The following VPS53 variants were observed in gnomAD, a reference collection of about 807,000 sequenced individuals.
VPS53 encodes the protein VPS53 subunit of GARP complex, also known as vacuolar protein sorting-associated protein 53 homolog.
A neutral mutation model predicts 107.0 loss-of-function variants in VPS53; 70 were observed. The observed-to-expected ratio is 0.65, with a 90% confidence interval of 0.54 to 0.80. The LOEUF (loss-of-function observed/expected upper bound fraction) is 0.80, where lower values mean the gene tolerates loss of function less well. Ranked by LOEUF, VPS53 falls within the 30% of genes least tolerant of loss-of-function variation. The pLI is 0.00. For missense variants in VPS53, 917 were observed against 1,049.4 expected, an observed-to-expected ratio of 0.87 and a Z score of 1.74; for synonymous variants, 409 against 393.3, an observed-to-expected ratio of 1.04 and a Z score of -0.47.
At chr17:674,879 T>C (rs549388495) in intron 4 of VPS53, 66 of 152,376 alleles carry the variant, frequency 4.3e-4, no homozygotes, top group Non-Finnish European at 7.2e-4. Flanking sequence ...GGGCCATCTC[T>C]TCATCTGTAA....
intron 7 of VPS53, among the ~76,000 whole-genome samples, chr17:640,802 C>T (rs377550549): frequency 6.6e-6 from 1 of 152,004 alleles, no homozygotes; most frequent in Admixed American, 6.6e-5. Context: ...TATGCTTAAT[C>T]CTGGAGCAGA....
chr17:579,265 T>C (rs1966871915), intron 13 of VPS53, among the ~76,000 whole-genome samples: 1 of 142,624 alleles, frequency 7.0e-6, no homozygotes, highest in Non-Finnish European at 1.6e-5. Flanking sequence ...CAGAACCTAA[T>C]GTATTCCTAG....
chr17:662,408 G>A (rs1971469307), intron 4 of VPS53, among the ~76,000 whole-genome samples: 1 of 152,162 alleles, frequency 6.6e-6, no homozygotes, highest in Non-Finnish European at 1.5e-5. Context: ...AGGAACACTG[G>A]GCCGGACACA....
chr17:668,891 G>A (rs907376640), intron 4 of VPS53, among the ~76,000 whole-genome samples: 5 of 152,040 alleles, frequency 3.3e-5, no homozygotes, highest in Admixed American at 1.3e-4. Context: ...TGAAGGTATC[G>A]CTTTTTTCTT....
intron 4 of VPS53, among the ~76,000 whole-genome samples, chr17:696,597 C>A (rs1270133786): frequency 6.6e-6 from 1 of 152,082 alleles, no homozygotes; most frequent in Non-Finnish European, 1.5e-5. Context: ...TACGATGCCT[C>A]AACAGAAGAA....
intron 4 of VPS53, among the ~76,000 whole-genome samples, chr17:678,185 T>A (rs551121309): frequency 3.3e-5 from 5 of 152,186 alleles, no homozygotes; most frequent in East Asian, 1.9e-4. Context: ...AGAGGTCAAA[T>A]GAGGCAGGCG....
intron 7 of VPS53, among the ~76,000 whole-genome samples, chr17:651,072 T>C (rs1292524523): frequency 6.6e-6 from 1 of 152,192 alleles, no homozygotes; most frequent in Non-Finnish European, 1.5e-5. Flanking sequence ...GGATTAAAAC[T>C]ATAGATTTAT....
intron 11 of VPS53, among the ~76,000 whole-genome samples, chr17:621,708 G>C (rs573791076): frequency 6.6e-6 from 1 of 151,954 alleles, no homozygotes; most frequent in African/African-American, 2.4e-5. Context: ...CGGGTTACTC[G>C]TATTTTCCTT....
Position 516,369 on chromosome 17 carries a change from GTTTT to G in VPS53, c.*2755_*2758del, listed in dbSNP as rs765730609. On this transcript the variant is annotated 3_prime_UTR_variant, in exon 22 of 22. Transcript: ENST00000437048. Reference sequence around the variant, plus strand: ...ACTGACTCAAAATCTCCGGGCATCTGTTTTTTTGTTTGTTTTGAGATAGAGTCTC... The same window carrying G: ...ACTGACTCAAAATCTCCGGGCATCTGTTTGTTTGTTTTGAGATAGAGTCTC... 1 of 151,872 alleles carries G rather than the reference GTTTT, an allele frequency of 6.6e-6. No homozygotes were observed. Among genetic ancestry groups the G allele is most frequent in the Admixed American group, 6.6e-5 (1 of 15,234 alleles). 9.4% of individuals were successfully genotyped at this position (151,872 alleles called of 1,614,324 possible).
At chr17:576,703 C>T (rs982115311) in intron 13 of VPS53, among the ~76,000 whole-genome samples, 1 of 151,562 alleles carries the variant, frequency 6.6e-6, no homozygotes, top group African/African-American at 2.4e-5. Context: ...CAGAGAACCT[C>T]CCTCAGGACC....
At chr17:547,169 G>A (rs892949946) in intron 17 of VPS53, among the ~76,000 whole-genome samples, 7 of 152,110 alleles carry the variant, frequency 4.6e-5, no homozygotes, top group African/African-American at 1.7e-4. Flanking sequence ...GAGCCACCAC[G>A]CCTGGCCTTT....
At chr17:602,684 T>A (rs1465600625) in intron 11 of VPS53, among the ~76,000 whole-genome samples, 1 of 152,192 alleles carries the variant, frequency 6.6e-6, no homozygotes, top group Non-Finnish European at 1.5e-5. Flanking sequence ...ATCTGCTGAA[T>A]GAGGATGTAG....
In VPS53 at chr17:516,041, T is replaced by A. The variant is rs891478976; in HGVS notation, c.*3087A>T. The A allele has an allele frequency of 4.0e-5, 6 of 149,848 alleles. No individual in the cohort carries two copies. Among genetic ancestry groups the A allele is most frequent in the Non-Finnish European group, 4.4e-5 (3 of 67,868 alleles). 9.3% of individuals were successfully genotyped at this position (149,848 alleles called of 1,614,324 possible). On this transcript the variant is annotated 3_prime_UTR_variant, in exon 22 of 22. Transcript: ENST00000437048. Reference sequence around the variant, plus strand: ...CTGGTCTCAAACTCGTGACCTCATGTGATCCGCCCACCTCGGCCTCCCAAA... The same window carrying A: ...CTGGTCTCAAACTCGTGACCTCATGAGATCCGCCCACCTCGGCCTCCCAAA...
At chr17:538,136 C>G (rs1910258881) in intron 17 of VPS53, 1 of 152,302 alleles carries the variant, frequency 6.6e-6, no homozygotes, top group Non-Finnish European at 1.5e-5. Flanking sequence ...CTACGTGGCA[C>G]TTGGCAACAT....
intron 18 of VPS53, among the ~76,000 whole-genome samples, chr17:533,263 C>T (rs904023781): frequency 9.2e-5 from 14 of 152,148 alleles, no homozygotes; most frequent in Non-Finnish European, 1.9e-4. Context: ...CTACAGGCAC[C>T]GCACCTGGCT....
intron 12 of VPS53, among the ~76,000 whole-genome samples, chr17:598,373 C>T (rs1485557428): frequency 2.6e-5 from 4 of 152,086 alleles, no homozygotes; most frequent in Admixed American, 6.5e-5. Context: ...AGCCTCTGCC[C>T]GGCCACCACC....
At chr17:668,789 T>C (rs1051033491) in intron 4 of VPS53, among the ~76,000 whole-genome samples, 7 of 152,136 alleles carry the variant, frequency 4.6e-5, no homozygotes, top group African/African-American at 1.7e-4. Flanking sequence ...GTCTCACATA[T>C]GAAGAAGTCT....
chr17:581,291 A>G (rs1308551788), intron 13 of VPS53, among the ~76,000 whole-genome samples: 4 of 150,784 alleles, frequency 2.7e-5, no homozygotes, highest in Non-Finnish European at 5.9e-5. Context: ...CAGGACCTCA[A>G]TGCGTTCCCA....
chr17:707,859 A>T (rs1973477997), intron 2 of VPS53, among the ~76,000 whole-genome samples: 1 of 151,362 alleles, frequency 6.6e-6, no homozygotes, highest in African/African-American at 2.4e-5. Context: ...AAAAAAAAAA[A>T]AGGAAGAAAG....
Sources: gnomAD v4.1 joint callset for allele counts (sites outside exome capture counted in the v4.1 genomes callset) on GRCh38, gnomAD v4.1.1 for gene constraint, MANE v1.5 for transcripts, NCBI Gene and HGNC (gene_info 2026-07-23, HGNC 2026-07-21) for gene names.